Variants in DPP10 observed in about 807,000 individuals in gnomAD.
The protein encoded by DPP10 is dipeptidyl peptidase like 10.
Under a neutral mutation model 120.9 loss-of-function variants are expected in DPP10, and 33 were observed. The observed-to-expected ratio is 0.27, with a 90% CI of 0.21 to 0.37. The LOEUF (loss-of-function observed/expected upper bound fraction) is 0.37, where lower values mean the gene tolerates loss of function less well. Among genes scored for constraint, DPP10 ranks in the 10% least tolerant of loss-of-function variants. DPP10 has a pLI of 1.00. For missense variants in DPP10, 816 were observed against 942.8 expected, an observed-to-expected ratio of 0.87 and a Z score of 1.76; for synonymous variants, 337 against 326.1, an observed-to-expected ratio of 1.03 and a Z score of -0.36.
chr2:115,589,296 T>C (rs2082479115), intron 5 of DPP10, among the ~76,000 whole-genome samples: 1 of 152,186 alleles, frequency 6.6e-6, no homozygotes, highest in South Asian at 2.1e-4. Flanking sequence ...GCATTTTTAT[T>C]TTATCAATAC....
chr2:115,548,470 A>G (rs1027647363), intron 5 of DPP10, among the ~76,000 whole-genome samples: 1 of 152,110 alleles, frequency 6.6e-6, no homozygotes, highest in African/African-American at 2.4e-5. Flanking sequence ...AGAAGTACAG[A>G]CAAGGCCTCG....
At chr2:115,580,611 G>A (rs2081954845) in intron 5 of DPP10, among the ~76,000 whole-genome samples, 2 of 152,008 alleles carry the variant, frequency 1.3e-5, no homozygotes, top group Non-Finnish European at 2.9e-5. Context: ...CGGTCTCATG[G>A]CCTTTGCATC....
chr2:114,985,742 C>T (rs1362625671), intron 1 of DPP10, among the ~76,000 whole-genome samples: 2 of 152,152 alleles, frequency 1.3e-5, no homozygotes, highest in Non-Finnish European at 2.9e-5. Flanking sequence ...AATGATGAAA[C>T]ATAGTAAAAG....
intron 1 of DPP10, among the ~76,000 whole-genome samples, chr2:115,041,786 T>C (rs1704664280): frequency 6.6e-6 from 1 of 152,176 alleles, no homozygotes; most frequent in Non-Finnish European, 1.5e-5. Context: ...TTATCCTTCA[T>C]CATTTTAGCA....
intron 5 of DPP10, among the ~76,000 whole-genome samples, chr2:115,675,922 T>G (rs1352489372): frequency 6.6e-6 from 1 of 152,162 alleles, no homozygotes. Context: ...TTCAGAGGGT[T>G]GCAGTGTTGC....
intron 1 of DPP10, among the ~76,000 whole-genome samples, chr2:115,182,956 C>T (rs1433848598): frequency 6.6e-6 from 1 of 152,160 alleles, no homozygotes. Flanking sequence ...CATACACCCA[C>T]CCCATGGACA....
intron 1 of DPP10, among the ~76,000 whole-genome samples, chr2:114,785,087 G>C (rs1682655374): frequency 6.6e-6 from 1 of 152,116 alleles, no homozygotes; most frequent in African/African-American, 2.4e-5. Context: ...AGTCCTTTCT[G>C]GTCACCGGAT....
intron 5 of DPP10, among the ~76,000 whole-genome samples, chr2:115,668,205 G>C (rs1266040166): frequency 6.6e-6 from 1 of 152,004 alleles, no homozygotes; most frequent in East Asian, 1.9e-4. Flanking sequence ...CAGGTGCTGA[G>C]TGCTATGGTT....
chr2:114,842,930 G>A (rs890930271), intron 1 of DPP10, among the ~76,000 whole-genome samples: 2 of 152,102 alleles, frequency 1.3e-5, no homozygotes, highest in African/African-American at 4.8e-5. Flanking sequence ...CAAGGGACAG[G>A]AGAGATTTGG....
chr2:115,238,416 GAAT>G (rs1241096472), intron 1 of DPP10, among the ~76,000 whole-genome samples: 1 of 152,216 alleles, frequency 6.6e-6, no homozygotes, highest in East Asian at 1.9e-4. Flanking sequence ...GGTGCAAGGA[GAAT>G]AATGTTTTCA....
At chr2:115,476,526 A>G (rs1459011198) in intron 3 of DPP10, among the ~76,000 whole-genome samples, 1 of 152,206 alleles carries the variant, frequency 6.6e-6, no homozygotes, top group Non-Finnish European at 1.5e-5. Flanking sequence ...TCACATGGCC[A>G]GAGTAGAAGC....
chr2:115,012,851 G>T (rs2105102667), intron 1 of DPP10, among the ~76,000 whole-genome samples: 1 of 152,170 alleles, frequency 6.6e-6, no homozygotes, highest in African/African-American at 2.4e-5. Flanking sequence ...AAAGAATTCA[G>T]GTCAATTATT....
At chr2:114,675,397 G>A (rs567917842) in intron 1 of DPP10, among the ~76,000 whole-genome samples, 1 of 152,238 alleles carries the variant, frequency 6.6e-6, no homozygotes, top group African/African-American at 2.4e-5. Context: ...TAAATTGTCA[G>A]TCAATTAGCA....
chr2:114,492,057 ATGTC>A, intron 1 of DPP10, among the ~76,000 whole-genome samples: 1 of 152,234 alleles, frequency 6.6e-6, no homozygotes, highest in East Asian at 1.9e-4. Context: ...CTGTGACCAG[ATGTC>A]TTGTATAGGG....
chr2:114,618,892 G>A (rs752637184), intron 1 of DPP10, among the ~76,000 whole-genome samples: 50 of 152,026 alleles, frequency 3.3e-4, no homozygotes, highest in African/African-American at 9.4e-4. Context: ...GCGGCTTTGC[G>A]TTGTAATTGT....
At chr2:115,579,737 A>G (rs2081905884) in intron 5 of DPP10, 1 of 152,206 alleles carries the variant, frequency 6.6e-6, no homozygotes, top group African/African-American at 2.4e-5. Flanking sequence ...TTACCTCATT[A>G]GGTCCAACAG....
intron 3 of DPP10, among the ~76,000 whole-genome samples, chr2:115,379,879 A>T (rs186664055): frequency 3.3e-5 from 5 of 152,238 alleles, no homozygotes; most frequent in Admixed American, 1.3e-4. Context: ...GAGATTCTTA[A>T]TCCTGAGTTC....
At chr2:114,984,119 C>A (rs62164465) in intron 1 of DPP10, among the ~76,000 whole-genome samples, 1 of 152,078 alleles carries the variant, frequency 6.6e-6, no homozygotes, top group African/African-American at 2.4e-5. Context: ...CTTTCTGGCC[C>A]TGTACTTATT....
Position 115,195,060 on chromosome 2 carries a change from C to T in DPP10, c.61-114179C>T, listed in dbSNP as rs112986246. On this transcript the variant is annotated intron_variant, in intron 1 of 25. Transcript: ENST00000410059. Reference sequence around the variant, plus strand: ...ATATATTTTGGACATTCAGTGTGCGCTCATGATGATCACTGACTGGACAAA... The same window carrying T: ...ATATATTTTGGACATTCAGTGTGCGTTCATGATGATCACTGACTGGACAAA... Among the ~76,000 whole-genome samples, 762 of 152,236 alleles carry T rather than the reference C, an allele frequency of 5.0e-3. 5 individuals carry two copies. Among genetic ancestry groups the T allele is most frequent in the African/African-American group, 0.017 (698 of 41,522 alleles).
Sources: gnomAD v4.1 joint callset for allele counts (sites outside exome capture counted in the v4.1 genomes callset) on GRCh38, gnomAD v4.1.1 for gene constraint, MANE v1.5 for transcripts, NCBI Gene and HGNC (gene_info 2026-07-23, HGNC 2026-07-21) for gene names.